Variants in BCKDHB observed in about 807,000 individuals in gnomAD.
The protein encoded by BCKDHB is 2-oxoisovalerate dehydrogenase subunit beta, mitochondrial.
In BCKDHB, 41 loss-of-function variants were observed where a neutral mutation model predicts 48.5. That is an observed-to-expected ratio of 0.85 (90% confidence interval 0.66 to 1.10). The LOEUF is 1.10. BCKDHB is among the 50% of genes least tolerant of loss of function. The pLI is 0.00. For synonymous variants in BCKDHB, 201 were observed against 174.8 expected, an observed-to-expected ratio of 1.15 and a Z score of -1.18; for missense variants, 496 against 494.2, an observed-to-expected ratio of 1.00 and a Z score of -0.03.
chr6:80,309,070 G>GTT (rs1265820899), intron 9 of BCKDHB, among the ~76,000 whole-genome samples: 2 of 140,066 alleles, frequency 1.4e-5, no homozygotes, highest in African/African-American at 2.6e-5. Flanking sequence ...TTTGTTTTTT[G>GTT]TTTTTTTTTT....
At chr6:80,433,500 C>A in the BCKDHB span, among the ~76,000 whole-genome samples, 4 of 152,176 alleles carry the variant, frequency 2.6e-5, no homozygotes, top group Non-Finnish European at 4.4e-5. Context: ...ATGGCAGACA[C>A]CCCTCCCCGC....
the BCKDHB span, among the ~76,000 whole-genome samples, chr6:80,408,549 A>G: frequency 6.6e-6 from 1 of 152,106 alleles, no homozygotes; most frequent in Non-Finnish European, 1.5e-5. Flanking sequence ...TTATTGGTCT[A>G]TACAGAGATT....
intron 9 of BCKDHB, among the ~76,000 whole-genome samples, chr6:80,322,374 G>A (rs1459035410): frequency 6.6e-6 from 1 of 151,782 alleles, no homozygotes; most frequent in East Asian, 1.9e-4. Flanking sequence ...GAGTAGCTGG[G>A]ATTACAGGCG....
the BCKDHB span, among the ~76,000 whole-genome samples, chr6:80,394,288 T>C: frequency 6.2e-4 from 95 of 152,276 alleles, no homozygotes; most frequent in African/African-American, 2.1e-3. Flanking sequence ...AGTTTCTCTT[T>C]CATCATTTTG....
intron 9 of BCKDHB, among the ~76,000 whole-genome samples, chr6:80,334,357 A>C (rs1164147989): frequency 6.6e-6 from 1 of 152,120 alleles, no homozygotes; most frequent in East Asian, 1.9e-4. Flanking sequence ...CTTAGGTCAG[A>C]TATTCCTGCC....
At chr6:80,124,736 A>G (rs556267789) in intron 1 of BCKDHB, among the ~76,000 whole-genome samples, 1 of 152,336 alleles carries the variant, frequency 6.6e-6, no homozygotes, top group South Asian at 2.1e-4. Flanking sequence ...GTCAATGAGC[A>G]GTAATATTTT....
chr6:80,266,998 C>G lies in BCKDHB; in HGVS notation c.952-6137C>G, dbSNP rs573553841. On this transcript the variant is annotated intron_variant, in intron 8 of 9. Transcript: ENST00000320393. ...GTATAGAGACCACCACCACCCCCCG[C>G]CCATGAAAAAAAATTCCTCAAAACA... 3.9e-5 allele frequency among the ~76,000 whole-genome samples: 6 copies of G among 151,944 alleles called. No individual in the cohort carries two copies. In the East Asian group the frequency reaches 9.7e-4, roughly 25 times the overall value.
At chr6:80,116,523 C>A (rs1699765736) in intron 1 of BCKDHB, among the ~76,000 whole-genome samples, 1 of 152,172 alleles carries the variant, frequency 6.6e-6, no homozygotes, top group South Asian at 2.1e-4. Flanking sequence ...AGCTTATGTT[C>A]CATTATGGTC....
At chr6:80,120,640 G>T (rs1190025768) in intron 1 of BCKDHB, among the ~76,000 whole-genome samples, 4 of 152,130 alleles carry the variant, frequency 2.6e-5, no homozygotes, top group African/African-American at 9.7e-5. Flanking sequence ...TCATGTGTCT[G>T]TTGGCTGCAT....
the BCKDHB span, among the ~76,000 whole-genome samples, chr6:80,366,963 C>T: frequency 6.6e-6 from 1 of 152,184 alleles, no homozygotes; most frequent in South Asian, 2.1e-4. Context: ...AGTCTTGCTG[C>T]TAACCCCCAG....
At chr6:80,292,722 C>T (rs542066449) in intron 9 of BCKDHB, among the ~76,000 whole-genome samples, 2 of 152,256 alleles carry the variant, frequency 1.3e-5, no homozygotes, top group African/African-American at 4.8e-5. Context: ...AAAGTCTCAT[C>T]CAAGACAAGG....
At chr6:80,225,416 T>C (rs538110457) in intron 8 of BCKDHB, among the ~76,000 whole-genome samples, 14 of 152,306 alleles carry the variant, frequency 9.2e-5, no homozygotes, top group African/African-American at 3.4e-4. Flanking sequence ...AAAAAGTATG[T>C]TGGGAGGGTG....
chr6:80,396,570 C>T, the BCKDHB span, among the ~76,000 whole-genome samples: 1 of 152,164 alleles, frequency 6.6e-6, no homozygotes, highest in South Asian at 2.1e-4. Flanking sequence ...GCTGTGTCCC[C>T]ATCCAAATCT....
rs2127766288 is a variant in BCKDHB at position 80,161,399 on chromosome 6, G to T, written c.344-6279G>T. 2.0e-5 allele frequency among the ~76,000 whole-genome samples: 3 copies of T among 151,930 alleles called. No homozygotes were observed. In the Middle Eastern group the frequency reaches 0.01, roughly 517 times the overall value. On this transcript the variant is annotated intron_variant, in intron 3 of 9. Coordinates refer to ENST00000320393, the MANE Select transcript of BCKDHB (RefSeq NM_183050.4). ...GTTCCAAATATCAAATAGCTGAGTA[G>T]AAAGTAGAAAAAGACAATCCAGTTG...
At chr6:80,372,189 G>A in the BCKDHB span, among the ~76,000 whole-genome samples, 1,120 of 151,526 alleles carry the variant, frequency 7.4e-3, 12 homozygotes, top group Non-Finnish European at 0.012. Flanking sequence ...TTTTGTAGAG[G>A]TCCTTGTTTA....
chr6:80,396,995 G>C, the BCKDHB span, among the ~76,000 whole-genome samples: 1 of 152,124 alleles, frequency 6.6e-6, no homozygotes, highest in Non-Finnish European at 1.5e-5. Context: ...TGTGTATGTT[G>C]TATCCTCTAG....
chr6:80,201,673 C>T (rs949152298), intron 7 of BCKDHB, among the ~76,000 whole-genome samples: 3 of 152,076 alleles, frequency 2.0e-5, no homozygotes, highest in African/African-American at 7.2e-5. Flanking sequence ...CCATATCTTC[C>T]TTTTTTTCCA....
In BCKDHB at chr6:80,132,353, G is replaced by A. The variant is rs138842538; in HGVS notation, c.343+3124G>A. ...GTCAAAGGCAGCAGATCTTTAAGCT[G>A]TTCCACAGAATGGATCCCTAGGACC... is the stretch of plus-strand genomic sequence containing the variant. On this transcript the variant is annotated intron_variant, in intron 3 of 9. Transcript: ENST00000320393. Among the ~76,000 whole-genome samples, 264 of 152,256 alleles carry A rather than the reference G, an allele frequency of 1.7e-3. 1 individual carries two copies. Among genetic ancestry groups the A allele is most frequent in the African/African-American group, 6.0e-3 (250 of 41,542 alleles).
At chr6:80,276,840 CAT>C (rs1292969038) in intron 9 of BCKDHB, among the ~76,000 whole-genome samples, 1 of 151,716 alleles carries the variant, frequency 6.6e-6, no homozygotes, top group Middle Eastern at 3.2e-3. Context: ...CTTCATAAAA[CAT>C]ATATATAGAG....
Sources: gnomAD v4.1 joint callset for allele counts (sites outside exome capture counted in the v4.1 genomes callset) on GRCh38, gnomAD v4.1.1 for gene constraint, MANE v1.5 for transcripts, NCBI Gene and HGNC (gene_info 2026-07-23, HGNC 2026-07-21) for gene names.